Variants in ACAD11 observed in about 807,000 individuals in gnomAD.
ACAD11 encodes the protein acyl-Coenzyme A dehydrogenase family, member 11.
In ACAD11, 83 loss-of-function variants were observed where a neutral mutation model predicts 102.2. The observed-to-expected ratio is 0.81, with a 90% CI of 0.68 to 0.97. ACAD11 has a LOEUF of 0.97. Ranked by LOEUF, ACAD11 falls within the 50% of genes least tolerant of loss-of-function variation. The pLI is 0.00. For missense variants in ACAD11, 901 were observed against 951.7 expected, an observed-to-expected ratio of 0.95 and a Z score of 0.70; for synonymous variants, 324 against 319.8, an observed-to-expected ratio of 1.01 and a Z score of -0.14.
intron 7 of ACAD11, among the ~76,000 whole-genome samples, chr3:132,629,106 G>T (rs1292096648): frequency 6.6e-6 from 1 of 152,088 alleles, no homozygotes; most frequent in Admixed American, 6.5e-5. Context: ...AATTAGATTG[G>T]AATGTTTATG....
At chr3:132,642,213 T>C (rs1248010235) in intron 3 of ACAD11, 80 bp from the exon 4 acceptor site, 2 of 1,321,962 alleles carry the variant, frequency 1.5e-6, no homozygotes, top group Admixed American at 4.3e-5. Context: ...CATTCATTTG[T>C]GAAACATATT....
chr3:132,600,469 C>A, intron 13 of ACAD11: 1 of 1,613,504 alleles, frequency 6.2e-7, no homozygotes, highest in Non-Finnish European at 8.5e-7. Context: ...CTTATGACTA[C>A]AGTCAATATG....
intron 13 of ACAD11, chr3:132,601,478 G>GA: frequency 1.0e-6 from 1 of 979,334 alleles, no homozygotes; most frequent in Non-Finnish European, 1.6e-6. Context: ...CTTTTGCTTG[G>GA]ATACATATGA....
chr3:132,639,487 T>C lies in ACAD11; in HGVS notation c.702+5A>G. On this transcript the variant is annotated splice_donor_5th_base_variant and intron_variant, in intron 5 of 19. Transcript: ENST00000264990. ...TCAATTAATTGTAAACATAGCTAAC[T>C]GTACCTCTTTAGGGTGGAAAACTAT... The C allele has an allele frequency of 6.2e-7, 1 of 1,611,620 alleles. No individual in the cohort carries two copies. The highest frequency in any genetic ancestry group is 8.5e-7 in the Non-Finnish European group (1 of 1,179,094).
At chr3:132,579,051 T>G in intron 14 of ACAD11, 170 bp from the exon 15 acceptor site, 1 of 1,509,102 alleles carries the variant, frequency 6.6e-7, no homozygotes, top group Non-Finnish European at 8.9e-7. Flanking sequence ...TGATGCAGGC[T>G]GTGATCTGGA....
At chr3:132,594,917 G>A (rs1938235047) in intron 13 of ACAD11, among the ~76,000 whole-genome samples, 1 of 152,134 alleles carries the variant, frequency 6.6e-6, no homozygotes, top group African/African-American at 2.4e-5. Context: ...ATATTTTTGA[G>A]TAGTCATTAT....
intron 13 of ACAD11, among the ~76,000 whole-genome samples, chr3:132,580,237 G>A (rs970343953): frequency 6.6e-6 from 1 of 152,124 alleles, no homozygotes; most frequent in East Asian, 1.9e-4. Flanking sequence ...AGAGGTTTGA[G>A]GAGATTTGAA....
intron 17 of ACAD11, among the ~76,000 whole-genome samples, chr3:132,562,319 G>C (rs1364210514): frequency 6.6e-6 from 1 of 152,134 alleles, no homozygotes; most frequent in Non-Finnish European, 1.5e-5. Context: ...TGGCCAGGCT[G>C]GTCTTGAACT....
chr3:132,558,908 G>A lies in ACAD11; in HGVS notation c.*63C>T. 1 of 1,182,742 alleles carries A rather than the reference G, an allele frequency of 8.5e-7. No individual in the cohort carries two copies. Among genetic ancestry groups the A allele is most frequent in the Non-Finnish European group, 1.2e-6 (1 of 810,818 alleles). 73.3% of individuals were successfully genotyped at this position (1,182,742 alleles called of 1,614,324 possible). ...TACAAAAATATGAGATTCAAATGTT[G>A]GAGCCAATGAAGTTTGTATAAAGGA... On this transcript the variant is annotated 3_prime_UTR_variant, in exon 20 of 20. Transcript: ENST00000264990.
At chr3:132,587,794 G>T (rs1271918263) in intron 13 of ACAD11, among the ~76,000 whole-genome samples, 1 of 152,176 alleles carries the variant, frequency 6.6e-6, no homozygotes, top group Non-Finnish European at 1.5e-5. Flanking sequence ...TCACAATTCA[G>T]GTGGATGGGA....
chr3:132,642,677 C>A lies in ACAD11; in HGVS notation c.375G>T (p.Gln125His). 1 of 1,597,640 alleles carries A rather than the reference C, an allele frequency of 6.3e-7. No individual in the cohort carries two copies. The highest frequency in any genetic ancestry group is 8.5e-7 in the Non-Finnish European group (1 of 1,174,582). The change falls in exon 3 of 20, where the codon CAG (glutamine) becomes CAT (histidine). Residue 125 changes from glutamine to histidine, a missense_variant and splice_region_variant. By Grantham distance (24) the Gln-to-His change is conservative. Coordinates refer to ENST00000264990, the MANE Select transcript of ACAD11 (RefSeq NM_032169.5). ...AAAATAAGATTAAGTGTTAATTTAC[C>A]TGCACATGTTCCATTACGTAAAATT... The part of the protein sequence containing the change: ...GTEFYVMEHV[Q>H]GRIFRDLTIP...
intron 1 of ACAD11, chr3:132,647,193 G>C (rs1434771251): frequency 6.6e-6 from 1 of 152,198 alleles, no homozygotes; most frequent in African/African-American, 2.4e-5. Context: ...AAGCCCATTT[G>C]CATGGGAGGA....
Position 132,657,648 on chromosome 3 carries a change from G to A in ACAD11, c.149+1955C>T, listed in dbSNP as rs143281549. ...AAGGTATTGCACATCTTTTACTTAG[G>A]TAATTTATATTTTTGATGCTCCTGT... On this transcript the variant is annotated intron_variant, in intron 1 of 19. Coordinates refer to ENST00000264990, the MANE Select transcript of ACAD11 (RefSeq NM_032169.5). Among the ~76,000 whole-genome samples, 106 of 152,082 alleles carry A rather than the reference G, an allele frequency of 7.0e-4. 1 individual carries two copies. The highest frequency in any genetic ancestry group is 2.0e-3 in the African/African-American group (83 of 41,486).
chr3:132,606,629 G>A lies in ACAD11; in HGVS notation c.1415-1424C>T, dbSNP rs565026013. On this transcript the variant is annotated intron_variant, in intron 11 of 19. Transcript: ENST00000264990. ...CTCTAAAAGAAAGGCAGTAGCCCCA[G>A]TCAGGGGCTTATAGACGAAACTCCC... 5.3e-5 allele frequency among the ~76,000 whole-genome samples: 8 copies of A among 152,352 alleles called. No homozygotes were observed. In the South Asian group the frequency reaches 1.7e-3, roughly 32 times the overall value.
At chr3:132,559,394 C>A (rs947660065) in intron 19 of ACAD11, among the ~76,000 whole-genome samples, 6 of 152,058 alleles carry the variant, frequency 3.9e-5, no homozygotes, top group African/African-American at 1.4e-4. Flanking sequence ...ATATTTAGTT[C>A]TTTCTTAAGG....
At chr3:132,602,789 C>T (rs1249272209) in intron 13 of ACAD11, among the ~76,000 whole-genome samples, 1 of 152,050 alleles carries the variant, frequency 6.6e-6, no homozygotes, top group Non-Finnish European at 1.5e-5. Flanking sequence ...CTTTCACATG[C>T]AGAATTAATT....
intron 17 of ACAD11, among the ~76,000 whole-genome samples, chr3:132,566,950 T>G: frequency 6.6e-6 from 1 of 152,320 alleles, no homozygotes; most frequent in East Asian, 1.9e-4. Flanking sequence ...TTGTTCTAAA[T>G]GTATTTAGAG....
At chr3:132,638,231 A>C (rs1286616420) in intron 5 of ACAD11, among the ~76,000 whole-genome samples, 1 of 152,126 alleles carries the variant, frequency 6.6e-6, no homozygotes, top group African/African-American at 2.4e-5. Flanking sequence ...TTTCAATTTT[A>C]AAAGGTACAC....
At chr3:132,651,208 C>T (rs1348433579) in intron 1 of ACAD11, among the ~76,000 whole-genome samples, 1 of 152,124 alleles carries the variant, frequency 6.6e-6, no homozygotes. Context: ...TAAATTCTTC[C>T]CTCAGCTTTG....
Sources: allele counts gnomAD v4.1 joint callset (sites outside exome capture counted in the v4.1 genomes callset), GRCh38; gene constraint gnomAD v4.1.1; transcripts MANE v1.5; gene names NCBI Gene and HGNC (gene_info 2026-07-23, HGNC 2026-07-21).